PRSS38: variants seen among roughly 807,000 people sequenced by gnomAD.
The protein encoded by PRSS38 is serine protease 38.
PRSS38 carries 22 observed loss-of-function variants against 26.8 expected under a neutral mutation model. The ratio of observed to expected loss-of-function variants is 0.82; its 90% CI spans 0.59 to 1.17. The LOEUF (loss-of-function observed/expected upper bound fraction) is 1.17. Ranked by LOEUF, PRSS38 falls within the 50% of genes most tolerant of loss-of-function variation. The probability of loss-of-function intolerance (pLI) is 0.00; values close to 1 mark genes in which losing one functional copy is unlikely to be tolerated. For synonymous variants in PRSS38, 175 were observed against 172.1 expected (o/e 1.02, Z -0.13); for missense variants, 427 against 422.7 (o/e 1.01, Z -0.09).
At position 227,846,137 on chromosome 1, in the gene PRSS38, GCTCT is replaced by G; in HGVS notation, c.916_919del (p.Ser306GlnfsTer10). The G allele has an allele frequency of 6.2e-7, 1 of 1,613,908 alleles. No individual in the cohort carries two copies. The highest frequency in any genetic ancestry group is 8.5e-7 in the Non-Finnish European group (1 of 1,180,040). ...GCCCACTCCTGCTCAGCCAGCCCCT[GCTCT>G]CTCTCCAGCTCTGGGGCCCACTCTC... On this transcript the variant is annotated frameshift_variant, in exon 5 of 5. Transcript: ENST00000366757. LOFTEE classifies it low-confidence loss of function (END_TRUNC).
chr1:227,817,546 T>TG, intron 3 of PRSS38, 66 bp downstream of exon 3: 1 of 1,547,442 alleles, frequency 6.5e-7, no homozygotes, highest in Admixed American at 1.7e-5. Context: ...GGGAAGAAAA[T>TG]GCTCTGCCAG....
At chr1:227,839,262 C>T (rs1449031031) in intron 3 of PRSS38, among the ~76,000 whole-genome samples, 2 of 151,976 alleles carry the variant, frequency 1.3e-5, no homozygotes, top group African/African-American at 4.8e-5. Flanking sequence ...GAGTTTGAGA[C>T]CAGTCTGGAC....
chr1:227,831,520 G>A (rs61335562), intron 3 of PRSS38, among the ~76,000 whole-genome samples: 2,770 of 152,180 alleles, frequency 0.018, 94 homozygotes, highest in African/African-American at 0.063. Flanking sequence ...TAAGTCACAG[G>A]TCAAGTTGGC....
intron 3 of PRSS38, 63 bp from the exon 4 acceptor site, chr1:227,845,407 C>CGGG: frequency 5.1e-6 from 6 of 1,175,314 alleles, no homozygotes; most frequent in South Asian, 4.0e-5. Flanking sequence ...CACTGTGGGG[C>CGGG]AGGGATCCCC....
rs1203939636 is a variant in PRSS38, at chr1:227,833,378, T to A, written c.584-12092T>A. Among the ~76,000 whole-genome samples the A allele has an allele frequency of 9.2e-5, 14 of 152,006 alleles. 1 individual carries two copies. Among genetic ancestry groups the A allele is most frequent in the Non-Finnish European group, 2.1e-4 (14 of 68,000 alleles). The stretch of plus-strand genomic sequence containing the variant: ...CCCCATCTCTACTAAAAATACAAAA[T>A]TAGCCGGGCGTGGTCATGGGTGCCT... On this transcript the variant is annotated intron_variant, in intron 3 of 4. Transcript: ENST00000366757.
intron 2 of PRSS38, 56 bp from the exon 3 acceptor site, chr1:227,817,153 G>A: frequency 6.3e-7 from 1 of 1,575,716 alleles, no homozygotes; most frequent in Admixed American, 1.7e-5. Flanking sequence ...CCCCAGGCCT[G>A]TGGGCTGACC....
chr1:227,834,701 G>A (rs1280898648), intron 3 of PRSS38, among the ~76,000 whole-genome samples: 2 of 151,146 alleles, frequency 1.3e-5, no homozygotes, highest in African/African-American at 2.4e-5. Flanking sequence ...GTGGTGGCGA[G>A]TGCCTGTAGT....
chr1:227,835,234 A>G (rs929066991), intron 3 of PRSS38, among the ~76,000 whole-genome samples: 10 of 152,236 alleles, frequency 6.6e-5, no homozygotes, highest in African/African-American at 2.2e-4. Context: ...GTGGGAATTT[A>G]AAATGACATA....
intron 3 of PRSS38, among the ~76,000 whole-genome samples, chr1:227,835,830 G>A (rs1665230737): frequency 6.6e-6 from 1 of 152,200 alleles, no homozygotes; most frequent in Non-Finnish European, 1.5e-5. Flanking sequence ...TGATGAAAAT[G>A]TTTTGGAATT....
At chr1:227,842,192 A>G (rs1369231360) in intron 3 of PRSS38, among the ~76,000 whole-genome samples, 1 of 152,170 alleles carries the variant, frequency 6.6e-6, no homozygotes, top group Admixed American at 6.5e-5. Flanking sequence ...CATCCCAACT[A>G]TAGCAGCAGG....
At chr1:227,837,445 T>C (rs2102683277) in intron 3 of PRSS38, among the ~76,000 whole-genome samples, 1 of 152,354 alleles carries the variant, frequency 6.6e-6, no homozygotes, top group South Asian at 2.1e-4. Flanking sequence ...TTTCCTGTTG[T>C]GAGTTCTTTC....
intron 3 of PRSS38, among the ~76,000 whole-genome samples, chr1:227,819,420 T>C (rs1002989883): frequency 6.6e-6 from 1 of 152,222 alleles, no homozygotes; most frequent in Non-Finnish European, 1.5e-5. Flanking sequence ...TTCTTACATA[T>C]TTGTTATTCG....
intron 3 of PRSS38, among the ~76,000 whole-genome samples, chr1:227,829,473 G>A (rs555479543): frequency 1.1e-4 from 16 of 152,180 alleles, no homozygotes; most frequent in African/African-American, 3.9e-4. Flanking sequence ...GTGCTTTTGA[G>A]CACTCCCAAA....
chr1:227,816,736 G>A lies in PRSS38; in HGVS notation c.312-473G>A, dbSNP rs1294224520. Among the ~76,000 whole-genome samples, 1 of 151,518 alleles carries A rather than the reference G, an allele frequency of 6.6e-6. No homozygotes were observed. Among genetic ancestry groups the A allele is most frequent in the Non-Finnish European group, 1.5e-5 (1 of 67,882 alleles). The stretch of plus-strand genomic sequence containing the variant: ...CCACAAGTGAGGCTGGTCCTCAAGT[G>A]CACAGCCAGGTCCCACAAAAGTGAG... On this transcript the variant is annotated intron_variant, in intron 2 of 4. Transcript: ENST00000366757. The surrounding 1 kb of genome is among the most constrained non-coding windows in gnomAD (Gnocchi z 5.1).
exon 5 of PRSS38, chr1:227,846,357 T>G: frequency 9.7e-7 from 1 of 1,026,584 alleles, no homozygotes; most frequent in Non-Finnish European, 1.4e-6. Flanking sequence ...CAGGAGGTGA[T>G]GAGCAAGTGT....
At chr1:227,829,153 C>T (rs1035823951) in intron 3 of PRSS38, among the ~76,000 whole-genome samples, 1 of 152,176 alleles carries the variant, frequency 6.6e-6, no homozygotes, top group Admixed American at 6.5e-5. Flanking sequence ...GTTGAAAATG[C>T]TGAATTCACT....
rs547280497 is a variant in PRSS38, at chr1:227,820,444, A to T, written c.583+2964A>T. ...AATATGATGTTAGCTGTCAGTTTTT[A>T]AAAAAATGCCTTAATGTTGATGAAG... On this transcript the variant is annotated intron_variant, in intron 3 of 4. Coordinates refer to ENST00000366757, the Ensembl canonical transcript of PRSS38. Among the ~76,000 whole-genome samples the T allele has an allele frequency of 1.0e-3, 155 of 152,234 alleles. 1 individual carries two copies. Among genetic ancestry groups the T allele is most frequent in the Non-Finnish European group, 1.2e-3 (81 of 68,004 alleles).
exon 5 of PRSS38, chr1:227,846,247 C>G: frequency 6.3e-7 from 1 of 1,595,932 alleles, no homozygotes; most frequent in Non-Finnish European, 8.5e-7. Flanking sequence ...TGGCTGCACA[C>G]CCTGCCCCAG....
intron 3 of PRSS38, among the ~76,000 whole-genome samples, chr1:227,819,812 C>T (rs768594078): frequency 7.9e-5 from 12 of 151,974 alleles, no homozygotes; most frequent in Admixed American, 2.6e-4. Context: ...GATTTTTGGC[C>T]GGGTGCAGTG....
Sources: allele counts gnomAD v4.1 joint callset (sites outside exome capture counted in the v4.1 genomes callset), GRCh38; gene constraint gnomAD v4.1.1; non-coding constraint Gnocchi (gnomAD v3.1); transcripts MANE v1.5; gene names NCBI Gene and HGNC (gene_info 2026-07-23, HGNC 2026-07-21).